Variants in SERGEF observed in about 807,000 individuals in gnomAD.
SERGEF encodes secretion regulating guanine nucleotide exchange factor.
Under a neutral mutation model 50.0 loss-of-function variants are expected in SERGEF, and 51 were observed. The ratio of observed to expected loss-of-function variants is 1.02; its 90% CI spans 0.81 to 1.29. The LOEUF (loss-of-function observed/expected upper bound fraction) is 1.29, where lower values mean the gene tolerates loss of function less well. Among genes scored for constraint, SERGEF ranks in the 50% most tolerant of loss-of-function variants. The probability of loss-of-function intolerance (pLI) is 0.00; values close to 1 mark genes in which losing one functional copy is unlikely to be tolerated. For missense variants in SERGEF, 521 were observed against 557.0 expected (o/e 0.94, Z 0.65); for synonymous variants, 205 against 212.4 (o/e 0.97, Z 0.30).
chr11:17,971,124 G>A (rs1170160682), intron 8 of SERGEF, among the ~76,000 whole-genome samples: 3 of 152,092 alleles, frequency 2.0e-5, no homozygotes, highest in African/African-American at 7.2e-5. Flanking sequence ...AACCCAGGAG[G>A]TGGAGGTTGC....
intron 9 of SERGEF, 75 bp from the exon 10 acceptor site, chr11:17,878,319 T>A: frequency 8.4e-7 from 1 of 1,190,552 alleles, no homozygotes; most frequent in Non-Finnish European, 1.2e-6. Context: ...AGTTCTTTTC[T>A]AATGACACTA....
intron 8 of SERGEF, among the ~76,000 whole-genome samples, chr11:17,967,450 C>T (rs1853148952): frequency 6.6e-6 from 1 of 152,216 alleles, no homozygotes; most frequent in African/African-American, 2.4e-5. Flanking sequence ...CATCCTTGAC[C>T]TATATGGCAA....
chr11:17,998,954 T>TA (rs1853903181), intron 5 of SERGEF, among the ~76,000 whole-genome samples: 1 of 152,208 alleles, frequency 6.6e-6, no homozygotes, highest in South Asian at 2.1e-4. Flanking sequence ...GGTATTTTGT[T>TA]ACGGCAGCCC....
intron 10 of SERGEF, among the ~76,000 whole-genome samples, chr11:17,876,855 AT>A (rs1385191447): frequency 6.6e-6 from 1 of 152,214 alleles, no homozygotes; most frequent in African/African-American, 2.4e-5. Flanking sequence ...GCTTGTCTTA[AT>A]TACACCCAGG....
intron 10 of SERGEF, among the ~76,000 whole-genome samples, chr11:17,804,970 A>G (rs1243543642): frequency 6.6e-6 from 1 of 152,236 alleles, no homozygotes; most frequent in Non-Finnish European, 1.5e-5. Context: ...TTTCTCTATT[A>G]TCCCAATTTA....
intron 9 of SERGEF, among the ~76,000 whole-genome samples, chr11:17,887,347 A>G (rs557040673): frequency 5.9e-5 from 9 of 152,332 alleles, no homozygotes; most frequent in Non-Finnish European, 1.2e-4. Context: ...CTAACACAAC[A>G]ATACATCTGG....
chr11:17,898,712 A>G (rs1188980948), intron 9 of SERGEF, among the ~76,000 whole-genome samples: 1 of 152,226 alleles, frequency 6.6e-6, no homozygotes, highest in Non-Finnish European at 1.5e-5. Context: ...CAAAACTTTG[A>G]GTTTAATTCT....
intron 1 of SERGEF, among the ~76,000 whole-genome samples, chr11:18,009,748 T>C (rs1854158976): frequency 1.3e-5 from 2 of 151,862 alleles, no homozygotes; most frequent in Non-Finnish European, 2.9e-5. Flanking sequence ...ACAAAAAGGG[T>C]CCATAATCCC....
rs369961962 is a variant in SERGEF, at chr11:17,830,406, T to A, written c.1049-41993A>T. On this transcript the variant is annotated intron_variant, in intron 10 of 10. Coordinates refer to ENST00000265965, the MANE Select transcript of SERGEF (RefSeq NM_012139.4). ...GCTGCTATAACAGAATAGCACAGAC[T>A]GGATAATTTATAAATAATAGACGTT... Among the ~76,000 whole-genome samples, 49 of 152,332 alleles carry A rather than the reference T, an allele frequency of 3.2e-4. 1 individual carries two copies. Among genetic ancestry groups the A allele is most frequent in the African/African-American group, 1.2e-3 (48 of 41,576 alleles).
intron 9 of SERGEF, among the ~76,000 whole-genome samples, chr11:17,948,642 C>T (rs1852715345): frequency 6.6e-6 from 1 of 152,204 alleles, no homozygotes. Flanking sequence ...TGTTCAGCAG[C>T]CATGAGCAAC....
intron 10 of SERGEF, among the ~76,000 whole-genome samples, chr11:17,843,029 A>G (rs1480998626): frequency 6.6e-6 from 1 of 152,184 alleles, no homozygotes; most frequent in African/African-American, 2.4e-5. Flanking sequence ...TCCCCAACCT[A>G]TAATAGTTCC....
intron 10 of SERGEF, among the ~76,000 whole-genome samples, chr11:17,797,605 T>G (rs781200151): frequency 1.8e-4 from 28 of 152,198 alleles, no homozygotes; most frequent in Non-Finnish European, 2.6e-4. Flanking sequence ...TTTTATGATC[T>G]CTCTCTCCTA....
chr11:17,926,454 G>A (rs1852251415), intron 9 of SERGEF, among the ~76,000 whole-genome samples: 1 of 152,142 alleles, frequency 6.6e-6, no homozygotes, highest in South Asian at 2.1e-4. Context: ...GTATCAGAGT[G>A]CCTGGCTCCA....
At chr11:17,850,298 T>C (rs957009703) in intron 10 of SERGEF, among the ~76,000 whole-genome samples, 1 of 152,190 alleles carries the variant, frequency 6.6e-6, no homozygotes, top group Non-Finnish European at 1.5e-5. Context: ...ATTCAAACCA[T>C]AGCAGATGCC....
At chr11:17,825,083 T>C (rs2133848067) in intron 10 of SERGEF, among the ~76,000 whole-genome samples, 1 of 152,326 alleles carries the variant, frequency 6.6e-6, no homozygotes, top group South Asian at 2.1e-4. Flanking sequence ...TCTTAAGTCA[T>C]TTTGAATGCT....
At position 18,012,958 on chromosome 11, in the gene SERGEF, A is replaced by T. The variant is rs377166311; in HGVS notation, c.53T>A (p.Phe18Tyr). The change falls in exon 1 of 11, where the codon TTC (phenylalanine) becomes TAC (tyrosine). Residue 18 changes from phenylalanine to tyrosine, a missense_variant. Coordinates refer to ENST00000265965, the MANE Select transcript of SERGEF (RefSeq NM_012139.4). ...GGGGGCGGAGTCACGTACCCAGGCG[A>T]AGAGCGCGGCCGCCGCGGGGGCGGC... ...SEAAPAAAAL[F>Y]AWGANSYGQL... 1,353 of 1,486,438 alleles carry T rather than the reference A, an allele frequency of 9.1e-4. 19 individuals are homozygous for T. In the African/African-American group the frequency reaches 0.017, roughly 19 times the overall value. 92.1% of individuals were successfully genotyped at this position (1,486,438 alleles called of 1,614,324 possible). A position where few individuals can be genotyped will look rare whatever the true frequency, so the allele number is the denominator to read the frequency against.
intron 8 of SERGEF, among the ~76,000 whole-genome samples, chr11:17,970,988 A>C (rs1590225393): frequency 6.6e-6 from 1 of 152,110 alleles, no homozygotes; most frequent in African/African-American, 2.4e-5. Flanking sequence ...AGGTCAGGAG[A>C]TCAAGACCAT....
intron 8 of SERGEF, among the ~76,000 whole-genome samples, chr11:17,969,725 A>G (rs1434463329): frequency 1.3e-5 from 2 of 152,230 alleles, no homozygotes; most frequent in East Asian, 3.9e-4. Context: ...GGAAAGAAGG[A>G]CAACAAGCTG....
At chr11:17,886,760 A>T (rs1440985823) in intron 9 of SERGEF, among the ~76,000 whole-genome samples, 1 of 152,196 alleles carries the variant, frequency 6.6e-6, no homozygotes, top group Admixed American at 6.5e-5. Flanking sequence ...TTAGGCTATA[A>T]TATATACAAT....
Sources: allele counts gnomAD v4.1 joint callset (sites outside exome capture counted in the v4.1 genomes callset), GRCh38; gene constraint gnomAD v4.1.1; transcripts MANE v1.5; gene names NCBI Gene and HGNC (gene_info 2026-07-23, HGNC 2026-07-21).